Variants in THSD7B observed in about 807,000 individuals in gnomAD.
THSD7B encodes the protein thrombospondin type 1 domain containing 7B, also known as thrombospondin type-1 domain-containing protein 7B.
In THSD7B, 138 loss-of-function variants were observed where a neutral mutation model predicts 213.6. The observed-to-expected ratio is 0.65, with a 90% CI of 0.56 to 0.74. THSD7B has a LOEUF of 0.74. Ranked by LOEUF, THSD7B falls within the 30% of genes least tolerant of loss-of-function variation. The pLI is 0.00. For missense variants in THSD7B, 1,931 were observed against 1,991.5 expected (o/e 0.97, Z 0.58); for synonymous variants, 742 against 687.0 (o/e 1.08, Z -1.25).
At chr2:137,122,717 G>A (rs1688565497) in intron 5 of THSD7B, among the ~76,000 whole-genome samples, 1 of 152,020 alleles carries the variant, frequency 6.6e-6, no homozygotes, top group Non-Finnish European at 1.5e-5. Flanking sequence ...CACAGTCTCG[G>A]GCTTTGGAGC....
At chr2:136,838,646 A>T (rs968784449) in intron 1 of THSD7B, among the ~76,000 whole-genome samples, 2 of 152,034 alleles carry the variant, frequency 1.3e-5, no homozygotes, top group African/African-American at 4.8e-5. Flanking sequence ...TTTCAAAATG[A>T]GGTTATTGAG....
chr2:137,503,278 A>G (rs965694166), intron 15 of THSD7B, among the ~76,000 whole-genome samples: 2 of 152,342 alleles, frequency 1.3e-5, no homozygotes, highest in East Asian at 3.9e-4. Flanking sequence ...CAGCCCAGTC[A>G]TAACACAGAA....
chr2:137,608,289 T>C (rs1682224837), intron 17 of THSD7B, among the ~76,000 whole-genome samples: 1 of 152,136 alleles, frequency 6.6e-6, no homozygotes, highest in African/African-American at 2.4e-5. Context: ...TCTTTCCCAA[T>C]CTCTAATTAC....
At chr2:137,123,160 G>T (rs1688572896) in intron 5 of THSD7B, among the ~76,000 whole-genome samples, 1 of 152,110 alleles carries the variant, frequency 6.6e-6, no homozygotes, top group Non-Finnish European at 1.5e-5. Flanking sequence ...GACTGTTAAA[G>T]ATGTTGCCAG....
chr2:137,475,017 CAGAA>C (rs1688165759), intron 15 of THSD7B, among the ~76,000 whole-genome samples: 1 of 152,094 alleles, frequency 6.6e-6, no homozygotes, highest in Admixed American at 6.5e-5. Flanking sequence ...ACTTAAACTT[CAGAA>C]AGAAAGAAAC....
intron 6 of THSD7B, among the ~76,000 whole-genome samples, chr2:137,169,872 G>A (rs1680210456): frequency 1.3e-5 from 2 of 152,050 alleles, no homozygotes; most frequent in African/African-American, 4.8e-5. Flanking sequence ...AAAAATAGAG[G>A]GATTTCTGGT....
chr2:136,971,456 C>T (rs910331966), intron 2 of THSD7B, among the ~76,000 whole-genome samples: 9 of 151,898 alleles, frequency 5.9e-5, no homozygotes, highest in African/African-American at 2.2e-4. Context: ...TGAAAGTTCC[C>T]TGTGGTGTAG....
chr2:137,457,384 A>T (rs1290813757), intron 15 of THSD7B, among the ~76,000 whole-genome samples: 1 of 152,172 alleles, frequency 6.6e-6, no homozygotes, highest in African/African-American at 2.4e-5. Flanking sequence ...TGGCTTGTCA[A>T]ATGTCCCTAA....
rs1405936050 is a variant in THSD7B, at chr2:136,990,920, T to C, written c.140-65500T>C. 3.0e-6 allele frequency: 4 copies of C among 1,349,304 alleles called. No individual in the cohort carries two copies. In the South Asian group the frequency reaches 4.7e-5, roughly 16 times the overall value. The allele number at this position is 1,349,304 out of a possible 1,614,324, so 83.6% of individuals were successfully genotyped here. ...CATAACACAGCAGATGAGGTGGTTT[T>C]GTATCACAAATTAGCAGGTAAATCA... On this transcript the variant is annotated intron_variant, in intron 2 of 27. Coordinates refer to ENST00000409968, the MANE Select transcript of THSD7B (RefSeq NM_001316349.2).
At chr2:137,098,331 T>C (rs969569755) in intron 4 of THSD7B, among the ~76,000 whole-genome samples, 2 of 152,212 alleles carry the variant, frequency 1.3e-5, no homozygotes, top group Non-Finnish European at 2.9e-5. Flanking sequence ...CCTTGCTATA[T>C]GCCAAACACT....
intron 12 of THSD7B, among the ~76,000 whole-genome samples, chr2:137,285,081 C>T (rs188739947): frequency 6.8e-4 from 103 of 152,230 alleles, no homozygotes; most frequent in Non-Finnish European, 9.3e-4. Flanking sequence ...AATCTGGGTG[C>T]TCCCGTATTG....
At chr2:137,533,627 A>G (rs776024180) in intron 15 of THSD7B, among the ~76,000 whole-genome samples, 2 of 151,988 alleles carry the variant, frequency 1.3e-5, no homozygotes, top group Non-Finnish European at 2.9e-5. Flanking sequence ...TGCATTGCAA[A>G]TGTTATATAA....
chr2:137,142,155 T>C (rs1022927518), intron 5 of THSD7B, among the ~76,000 whole-genome samples: 1 of 152,286 alleles, frequency 6.6e-6, no homozygotes, highest in East Asian at 1.9e-4. Flanking sequence ...CTGTGTCATT[T>C]ATAATAGACA....
At chr2:137,273,376 C>G (rs750741826) in intron 11 of THSD7B, among the ~76,000 whole-genome samples, 1 of 152,022 alleles carries the variant, frequency 6.6e-6, no homozygotes, top group African/African-American at 2.4e-5. Flanking sequence ...AAACTTCCCC[C>G]CTTTTAACAC....
chr2:136,984,004 A>G (rs976402753), intron 2 of THSD7B, among the ~76,000 whole-genome samples: 3 of 152,242 alleles, frequency 2.0e-5, no homozygotes, highest in African/African-American at 7.2e-5. Context: ...TTTGCTTTTA[A>G]GATAGTAACT....
At chr2:137,330,859 G>A (rs549416666) in intron 12 of THSD7B, among the ~76,000 whole-genome samples, 11 of 152,222 alleles carry the variant, frequency 7.2e-5, no homozygotes, top group Admixed American at 2.6e-4. Flanking sequence ...CCCCACCCAC[G>A]TCCTGCTGAT....
rs533170757 is a variant in THSD7B, at chr2:137,397,015, T to C, written c.2501-8598T>C. 9.9e-5 allele frequency among the ~76,000 whole-genome samples: 14 copies of C among 141,172 alleles called. 4 individuals carry two copies. Among genetic ancestry groups the C allele is most frequent in the Non-Finnish European group, 2.2e-4 (14 of 63,372 alleles). The allele number at this position is 141,172 out of a possible 152,430, so 92.6% of individuals were successfully genotyped here. ...TGCCTTTTTTTGTTTTCCATTTTCT[T>C]GGTAGTTCTTCCTCCATCCTTTTAT... On this transcript the variant is annotated intron_variant, in intron 12 of 27. Coordinates refer to ENST00000409968, the MANE Select transcript of THSD7B (RefSeq NM_001316349.2).
chr2:137,069,298 G>A (rs1035171283), intron 3 of THSD7B, among the ~76,000 whole-genome samples: 1 of 151,874 alleles, frequency 6.6e-6, no homozygotes, highest in Admixed American at 6.6e-5. Context: ...TCTCTCTTCA[G>A]TTTTAATTTT....
At chr2:136,923,051 C>A (rs1684461201) in intron 2 of THSD7B, among the ~76,000 whole-genome samples, 1 of 152,156 alleles carries the variant, frequency 6.6e-6, no homozygotes, top group South Asian at 2.1e-4. Context: ...TGCAACAGAT[C>A]TCCAGAACAT....
Sources: allele counts gnomAD v4.1 joint callset (sites outside exome capture counted in the v4.1 genomes callset), GRCh38; gene constraint gnomAD v4.1.1; transcripts MANE v1.5; gene names NCBI Gene and HGNC (gene_info 2026-07-23, HGNC 2026-07-21).